Variants in RBFOX1 observed in about 807,000 individuals in gnomAD.
The protein encoded by RBFOX1 is RNA binding fox-1 homolog 1.
A neutral mutation model predicts 57.7 loss-of-function variants in RBFOX1; 8 were observed. The observed-to-expected ratio is 0.14, with a 90% CI of 0.08 to 0.25. The LOEUF is 0.25. Ranked by LOEUF, RBFOX1 falls within the 10% of genes least tolerant of loss-of-function variation. The pLI, the probability that RBFOX1 is intolerant of heterozygous loss-of-function variation, is 1.00. For missense variants in RBFOX1, 611 were observed against 548.5 expected, an observed-to-expected ratio of 1.11 and a Z score of -1.14; for synonymous variants, 326 against 222.4, an observed-to-expected ratio of 1.47 and a Z score of -4.15.
intron 4 of RBFOX1, among the ~76,000 whole-genome samples, chr16:7,330,506 GTGTTTGTGTGTGTGTGTGT>G (rs1406798174): frequency 3.7e-5 from 3 of 80,230 alleles, no homozygotes; most frequent in African/African-American, 1.9e-4. Context: ...GTGTGTGTGT[GTGTTTGTGTGTGTGTGTGT>G]AGAGAGAGAG....
At chr16:6,759,422 A>AC (rs1454946013) in intron 3 of RBFOX1, among the ~76,000 whole-genome samples, 1 of 151,196 alleles carries the variant, frequency 6.6e-6, no homozygotes, top group African/African-American at 2.4e-5. Context: ...TAGTGCTGGG[A>AC]CCCAATTAAT....
At chr16:5,332,348 A>T (rs763393953) in intron 1 of RBFOX1, among the ~76,000 whole-genome samples, 1 of 151,878 alleles carries the variant, frequency 6.6e-6, no homozygotes, top group Non-Finnish European at 1.5e-5. Flanking sequence ...ACTCATTGCA[A>T]CCTCTGCTTC....
At chr16:5,787,477 T>C (rs1158717776) in intron 3 of RBFOX1, among the ~76,000 whole-genome samples, 1 of 152,220 alleles carries the variant, frequency 6.6e-6, no homozygotes, top group Non-Finnish European at 1.5e-5. Context: ...GCTTACCTCA[T>C]GCTTAGCCAT....
At chr16:6,735,668 G>C (rs1036418873) in intron 3 of RBFOX1, among the ~76,000 whole-genome samples, 6 of 152,118 alleles carry the variant, frequency 3.9e-5, no homozygotes, top group African/African-American at 1.4e-4. Context: ...ACAATGCTGA[G>C]ACTCTCTCAG....
chr16:5,283,179 C>A (rs2063312838), intron 1 of RBFOX1, among the ~76,000 whole-genome samples: 2 of 152,200 alleles, frequency 1.3e-5, no homozygotes, highest in Non-Finnish European at 2.9e-5. Flanking sequence ...GGTTTGGGAA[C>A]CACTGCCTAG....
intron 1 of RBFOX1, among the ~76,000 whole-genome samples, chr16:6,191,767 C>G (rs1244643158): frequency 1.3e-5 from 2 of 151,950 alleles, no homozygotes; most frequent in South Asian, 4.2e-4. Flanking sequence ...TATGACTTAC[C>G]GAAAATCTTA....
chr16:7,458,536 GA>G (rs1423739328), intron 4 of RBFOX1, among the ~76,000 whole-genome samples: 3 of 151,988 alleles, frequency 2.0e-5, no homozygotes. Flanking sequence ...ATTGTTAAAG[GA>G]AAAAAACATT....
In RBFOX1 at chr16:6,697,789, A is replaced by G. The variant is rs1017112112; in HGVS notation, c.-16+43139A>G. 1.4e-4 allele frequency among the ~76,000 whole-genome samples: 21 copies of G among 152,280 alleles called. 1 individual carries two copies. The East Asian group carries it at 2.5e-3, about 18-fold the overall frequency. On this transcript the variant is annotated intron_variant, in intron 3 of 15. Coordinates refer to ENST00000550418, the MANE Select transcript of RBFOX1 (RefSeq NM_018723.4). ...GCAAACCAGATCAACAGAAGACCCAACCTTGGTATTGGAAGTCCATATCTC... is the reference window on the plus strand; with the variant it reads ...GCAAACCAGATCAACAGAAGACCCAGCCTTGGTATTGGAAGTCCATATCTC...
intron 4 of RBFOX1, among the ~76,000 whole-genome samples, chr16:7,177,754 G>C (rs531406148): frequency 6.6e-5 from 10 of 152,260 alleles, no homozygotes; most frequent in African/African-American, 2.2e-4. Context: ...CAGGTCTTTT[G>C]GTCTCCGCTG....
intron 4 of RBFOX1, among the ~76,000 whole-genome samples, chr16:7,227,073 C>A (rs116654062): frequency 0.019 from 2,853 of 152,226 alleles, 90 homozygotes; most frequent in African/African-American, 0.066. Context: ...AGCATTCTTA[C>A]CTGGCCAGTT....
chr16:5,394,946 A>G (rs1467207072), intron 1 of RBFOX1, among the ~76,000 whole-genome samples: 1 of 152,002 alleles, frequency 6.6e-6, no homozygotes, highest in Non-Finnish European at 1.5e-5. Flanking sequence ...AGCCGGCATG[A>G]TTCTCCTGAA....
At chr16:7,351,641 C>A (rs2145983898) in intron 4 of RBFOX1, among the ~76,000 whole-genome samples, 1 of 152,300 alleles carries the variant, frequency 6.6e-6, no homozygotes. Flanking sequence ...ATTTTTCACC[C>A]ATTAGCTCAC....
intron 2 of RBFOX1, among the ~76,000 whole-genome samples, chr16:5,516,010 C>T (rs1177773272): frequency 6.6e-6 from 1 of 152,180 alleles, no homozygotes; most frequent in Admixed American, 6.5e-5. Context: ...GGAGCTTAGC[C>T]ACAATATTGC....
At chr16:7,302,090 T>C (rs1045496778) in intron 4 of RBFOX1, among the ~76,000 whole-genome samples, 2 of 152,130 alleles carry the variant, frequency 1.3e-5, no homozygotes, top group Admixed American at 6.5e-5. Context: ...CAGCCTCTAC[T>C]TTCCCACTCC....
chr16:6,697,568 G>C (rs570973601), intron 3 of RBFOX1, among the ~76,000 whole-genome samples: 1 of 152,320 alleles, frequency 6.6e-6, no homozygotes, highest in East Asian at 1.9e-4. Context: ...GGAGCAGCTT[G>C]AGTCAAAGGC....
chr16:6,224,013 G>C (rs1207598291), intron 1 of RBFOX1, among the ~76,000 whole-genome samples: 1 of 152,060 alleles, frequency 6.6e-6, no homozygotes, highest in Non-Finnish European at 1.5e-5. Flanking sequence ...GATAGTTGTA[G>C]ATATGCGGCG....
chr16:5,699,438 G>T lies in RBFOX1; in HGVS notation c.318+100477G>T, dbSNP rs2050957802. On this transcript the variant is annotated intron_variant, in intron 3 of 19. Coordinates refer to the RBFOX1 transcript ENST00000641259. ...TTTATTTCTTCTATGTTCTACACTG[G>T]TTTGGAGACAGTAGATTGTTCTATT... Among the ~76,000 whole-genome samples, 4 of 148,722 alleles carry T rather than the reference G, an allele frequency of 2.7e-5. No individual in the cohort carries two copies. In the South Asian group the frequency reaches 8.4e-4, roughly 31 times the overall value.
chr16:5,989,877 CA>C (rs1567227313), intron 4 of RBFOX1, among the ~76,000 whole-genome samples: 1,258 of 118,544 alleles, frequency 0.011, 30 homozygotes, highest in African/African-American at 0.03. Flanking sequence ...CACACACACA[CA>C]CACCACCCCT....
At chr16:7,485,214 A>C (rs933667731) in intron 4 of RBFOX1, among the ~76,000 whole-genome samples, 2 of 152,126 alleles carry the variant, frequency 1.3e-5, no homozygotes, top group African/African-American at 4.8e-5. Flanking sequence ...TTGTTTTACA[A>C]CTATAATGAC....
Sources: gnomAD v4.1 joint callset for allele counts (sites outside exome capture counted in the v4.1 genomes callset) on GRCh38, gnomAD v4.1.1 for gene constraint, MANE v1.5 for transcripts, NCBI Gene and HGNC (gene_info 2026-07-23, HGNC 2026-07-21) for gene names.